Variants in PACS2 observed in about 807,000 individuals in gnomAD.
PACS2 encodes PACS1-like protein.
PACS2 carries 36 observed loss-of-function variants against 113.0 expected under a neutral mutation model. The ratio of observed to expected loss-of-function variants is 0.32; its 90% confidence interval spans 0.24 to 0.42. The LOEUF is 0.42. Ranked by LOEUF, PACS2 falls within the 10% of genes least tolerant of loss-of-function variation. The pLI, the probability that PACS2 is intolerant of heterozygous loss-of-function variation, is 1.00. For synonymous variants in PACS2, 589 were observed against 536.1 expected, an observed-to-expected ratio of 1.10 and a Z score of -1.36; for missense variants, 1,015 against 1,239.5, an observed-to-expected ratio of 0.82 and a Z score of 2.72.
intron 1 of PACS2, among the ~76,000 whole-genome samples, chr14:105,325,103 A>G (rs938381374): frequency 1.3e-5 from 2 of 151,418 alleles, no homozygotes; most frequent in Non-Finnish European, 2.9e-5. Context: ...GGCCAAGTGC[A>G]GAGACACTCC....
At chr14:105,332,637 C>T (rs587647365) in intron 1 of PACS2, among the ~76,000 whole-genome samples, 96 of 152,302 alleles carry the variant, frequency 6.3e-4, no homozygotes, top group African/African-American at 2.3e-3. Flanking sequence ...GTGGGAGCTC[C>T]CTCCTCGGGC....
chr14:105,345,132 C>A (rs189774941), intron 1 of PACS2, among the ~76,000 whole-genome samples: 3 of 149,550 alleles, frequency 2.0e-5, no homozygotes, highest in African/African-American at 7.4e-5. Flanking sequence ...TCTGGCTGGG[C>A]GCAGTGGCTC....
In PACS2 at chr14:105,324,538, C is replaced by G. The variant is rs2059022085; in HGVS notation, c.119+9501C>G. ...TCAGCAGCTGCTCTGAGAGGCAGCC[C>G]TAAAAATAGCCGAGCGCTGAGAGGC... is the stretch of plus-strand genomic sequence containing the variant. On this transcript the variant is annotated intron_variant, in intron 1 of 24. Transcript: ENST00000447393. This position sits in a 1 kb window ranked among gnomAD's most constrained non-coding sequence, Gnocchi z 4.7. 6.6e-6 allele frequency among the ~76,000 whole-genome samples: 1 copy of G among 152,104 alleles called. No individual in the cohort carries two copies. The highest frequency in any genetic ancestry group is 6.5e-5 in the Admixed American group (1 of 15,284).
chr14:105,315,133 C>T lies in PACS2; in HGVS notation c.119+96C>T, dbSNP rs1490497319. The T allele has an allele frequency of 1.2e-5, 9 of 749,224 alleles. No homozygotes were observed. In the African/African-American group the frequency reaches 1.5e-4, roughly 13 times the overall value. 46.4% of individuals were successfully genotyped at this position (749,224 alleles called of 1,614,324 possible). ...CGCCCCATCCCCGGCCCGGGTCCCC[C>T]AGCGGAGCCCAGGTCGCCCCCCGCG... On this transcript the variant is annotated intron_variant, in intron 1 of 24. Coordinates refer to ENST00000447393, the MANE Select transcript of PACS2 (RefSeq NM_001100913.3). This position sits in a 1 kb window ranked among gnomAD's most constrained non-coding sequence, Gnocchi z 4.4.
At chr14:105,320,554 G>C (rs1218107866) in intron 1 of PACS2, among the ~76,000 whole-genome samples, 1 of 152,062 alleles carries the variant, frequency 6.6e-6, no homozygotes, top group Non-Finnish European at 1.5e-5. Context: ...TGTTGCTCAG[G>C]CTGGTCTCCA....
chr14:105,343,151 G>A (rs1413702160), intron 1 of PACS2, among the ~76,000 whole-genome samples: 1 of 152,212 alleles, frequency 6.6e-6, no homozygotes, highest in African/African-American at 2.4e-5. Flanking sequence ...GACAAAAATG[G>A]TGTGTGCCCT....
chr14:105,388,576 G>C (rs1374196543), intron 19 of PACS2: 1 of 152,452 alleles, frequency 6.6e-6, no homozygotes, highest in East Asian at 1.9e-4. Context: ...CCAAGGGAGG[G>C]CCGGGGCCAC....
At chr14:105,351,328 G>C (rs1232790185) in intron 2 of PACS2, among the ~76,000 whole-genome samples, 1 of 152,220 alleles carries the variant, frequency 6.6e-6, no homozygotes, top group Non-Finnish European at 1.5e-5. Context: ...TCACGCAAAT[G>C]ACTCGTTATC....
In PACS2 at chr14:105,324,738, G is replaced by A. The variant is rs371889393; in HGVS notation, c.119+9701G>A. On this transcript the variant is annotated intron_variant, in intron 1 of 24. Coordinates refer to ENST00000447393, the MANE Select transcript of PACS2 (RefSeq NM_001100913.3). This position sits in a 1 kb window ranked among gnomAD's most constrained non-coding sequence, Gnocchi z 4.7. ...GCGCCCCGTCTCACCCCACGGATGG[G>A]GGGCAGGCTCTCCAGGAGCCCCAGG... is the stretch of plus-strand genomic sequence containing the variant. Among the ~76,000 whole-genome samples the A allele has an allele frequency of 2.4e-3, 367 of 152,304 alleles. 4 individuals carry two copies. The highest frequency in any genetic ancestry group is 8.5e-3 in the African/African-American group (352 of 41,574).
intron 1 of PACS2, among the ~76,000 whole-genome samples, chr14:105,342,607 T>A (rs1008940328): frequency 2.0e-4 from 31 of 151,992 alleles, no homozygotes; most frequent in Non-Finnish European, 4.0e-4. Context: ...GTGTGTCTTG[T>A]GGCTGTCTTT....
In PACS2 at chr14:105,315,050, C is replaced by G; in HGVS notation, c.119+13C>G. The G allele has an allele frequency of 8.6e-7, 1 of 1,167,282 alleles. No homozygotes were observed. The highest frequency in any genetic ancestry group is 1.1e-6 in the Non-Finnish European group (1 of 937,782). The allele number at this position is 1,167,282 out of a possible 1,614,324, so 72.3% of individuals were successfully genotyped here. ...GCTGCGTGCCCAGGTACGCGCCGCC[C>G]GCCGCGCTTTGTTCCCGCCGGGCAC... On this transcript the variant is annotated intron_variant, in intron 1 of 24. Transcript: ENST00000447393. The surrounding 1 kb of genome is among the most constrained non-coding windows in gnomAD (Gnocchi z 4.4).
intron 2 of PACS2, among the ~76,000 whole-genome samples, chr14:105,349,770 G>A (rs2060084618): frequency 6.6e-6 from 1 of 152,016 alleles, no homozygotes; most frequent in Non-Finnish European, 1.5e-5. Flanking sequence ...TCCCCGGGTG[G>A]TGGGGCCTTG....
rs587677413 is a variant in PACS2 at position 105,364,439 on chromosome 14, C to T, written c.424-2774C>T. On this transcript the variant is annotated intron_variant, in intron 4 of 24. Transcript: ENST00000447393. ...GGCGGTGTCCCGGGTGCGCGGTGGG[C>T]GGCGTCCCGGGTGCGCGGTGGGCGG... Among the ~76,000 whole-genome samples the T allele has an allele frequency of 1.2e-3, 114 of 93,940 alleles. 3 individuals are homozygous for T. The highest frequency in any genetic ancestry group is 0.011 in the East Asian group (38 of 3,532). The allele number at this position is 93,940 out of a possible 152,430, so 61.6% of individuals were successfully genotyped here. A position where few individuals can be genotyped will look rare whatever the true frequency, so the allele number is the denominator to read the frequency against.
chr14:105,324,366 A>G lies in PACS2; in HGVS notation c.119+9329A>G, dbSNP rs998492050. Among the ~76,000 whole-genome samples, 1 of 151,982 alleles carries G rather than the reference A, an allele frequency of 6.6e-6. No homozygotes were observed. The highest frequency in any genetic ancestry group is 1.9e-4 in the East Asian group (1 of 5,152). ...GAAGGGGTGGCAGGATGGAGGTTGT[A>G]CAGTGCTTTCCCCAGGACCAGGGGG... On this transcript the variant is annotated intron_variant, in intron 1 of 24. Transcript: ENST00000447393. This position sits in a 1 kb window ranked among gnomAD's most constrained non-coding sequence, Gnocchi z 4.7.
At chr14:105,313,266 T>C (rs1442500068), upstream of PACS2, among the ~76,000 whole-genome samples, 1 of 152,206 alleles carries the variant, frequency 6.6e-6, no homozygotes, top group Non-Finnish European at 1.5e-5. Flanking sequence ...AATGGGTGCC[T>C]GTCTCCTGCC....
At position 105,385,037 on chromosome 14, in the gene PACS2, A is replaced by G. The variant is rs35509750; in HGVS notation, c.2000+50A>G. 173,364 of 1,179,366 alleles carry G rather than the reference A, an allele frequency of 0.15. 13,883 individuals carry two copies. The highest frequency in any genetic ancestry group is 0.23 in the Middle Eastern group (871 of 3,738). The allele number at this position is 1,179,366 out of a possible 1,614,324, so 73.1% of individuals were successfully genotyped here. ...TACCACAGGCTGCCGCCAGCCACCA[A>G]CCCTCCGTGGGCCTCCCCACCCGCT... On this transcript the variant is annotated intron_variant, in intron 18 of 24. Coordinates refer to ENST00000447393, the MANE Select transcript of PACS2 (RefSeq NM_001100913.3).
At chr14:105,377,652 C>T (rs993390398) in intron 9 of PACS2, among the ~76,000 whole-genome samples, 13 of 152,198 alleles carry the variant, frequency 8.5e-5, no homozygotes, top group African/African-American at 3.1e-4. Context: ...GTTGGAGGCG[C>T]GGCCCCAGTT....
At chr14:105,383,006 C>T (rs1234485107) in intron 15 of PACS2, 93 bp downstream of exon 15, 1 of 753,974 alleles carries the variant, frequency 1.3e-6, no homozygotes, top group African/African-American at 1.7e-5. Flanking sequence ...CTAGGTGCGT[C>T]CTGGACCTGG....
intron 4 of PACS2, among the ~76,000 whole-genome samples, chr14:105,362,272 G>T (rs1347498156): frequency 9.9e-5 from 15 of 150,784 alleles, no homozygotes; most frequent in East Asian, 3.9e-4. Context: ...TAAAAAATTA[G>T]CTGGGCGTGG....
Sources: allele counts gnomAD v4.1 joint callset (sites outside exome capture counted in the v4.1 genomes callset), GRCh38; gene constraint gnomAD v4.1.1; non-coding constraint Gnocchi (gnomAD v3.1); transcripts MANE v1.5; gene names NCBI Gene and HGNC (gene_info 2026-07-23, HGNC 2026-07-21).